The following MEGF10 variants were observed in gnomAD, a reference collection of about 807,000 sequenced individuals.
The protein encoded by MEGF10 is multiple epidermal growth factor-like domains protein 10.
MEGF10 carries 86 observed loss-of-function variants against 147.5 expected under a neutral mutation model. The observed-to-expected ratio is 0.58, with a 90% CI of 0.49 to 0.70. MEGF10 has a LOEUF of 0.70. MEGF10 is among the 30% of genes least tolerant of loss of function. The pLI is 0.00. For synonymous variants in MEGF10, 478 were observed against 525.5 expected (o/e 0.91, Z 1.24); for missense variants, 1,329 against 1,487.3 (o/e 0.89, Z 1.75).
intron 4 of MEGF10, among the ~76,000 whole-genome samples, chr5:127,357,623 A>ATAAG (rs1345923765): frequency 6.6e-6 from 1 of 150,400 alleles, no homozygotes; most frequent in African/African-American, 2.4e-5. Flanking sequence ...AAATAAATAA[A>ATAAG]TAAATAAAAT....
At chr5:127,376,366 G>A (rs780893926) in intron 5 of MEGF10, among the ~76,000 whole-genome samples, 48 of 152,120 alleles carry the variant, frequency 3.2e-4, no homozygotes, top group Admixed American at 2.0e-3. Context: ...AGTGGATTGC[G>A]GAATAGAGGC....
At chr5:127,414,819 A>G (rs1764698582) in intron 9 of MEGF10, among the ~76,000 whole-genome samples, 1 of 152,214 alleles carries the variant, frequency 6.6e-6, no homozygotes, top group African/African-American at 2.4e-5. Flanking sequence ...TGTAGAAGAG[A>G]AAGAAGACAT....
intron 5 of MEGF10, among the ~76,000 whole-genome samples, chr5:127,381,998 G>A (rs148397830): frequency 0.017 from 2,553 of 152,254 alleles, 20 homozygotes; most frequent in Middle Eastern, 0.024. Context: ...ATAATTCGGC[G>A]TCTGTCATGG....
the MEGF10 span, among the ~76,000 whole-genome samples, chr5:127,263,024 A>G: frequency 2.6e-5 from 4 of 152,190 alleles, no homozygotes; most frequent in African/African-American, 9.6e-5. Context: ...TAACAACAAA[A>G]AAGTCCTACT....
At chr5:127,454,658 T>G in intron 23 of MEGF10, 48 bp downstream of exon 23, 10 of 1,531,770 alleles carry the variant, frequency 6.5e-6, no homozygotes, top group Admixed American at 2.0e-5. Context: ...TTAAATTTTT[T>G]TTAACCTCAA....
chr5:127,263,952 CTG>C, the MEGF10 span, among the ~76,000 whole-genome samples: 1 of 152,112 alleles, frequency 6.6e-6, no homozygotes, highest in East Asian at 1.9e-4. Context: ...AAGAAATAGA[CTG>C]TGGGAAGAGC....
rs776013292 is a variant in MEGF10 at position 127,455,494 on chromosome 5, T to C, written c.3119T>C (p.Ile1040Thr). Reference sequence around the variant, plus strand: ...ACTATTAAAGACCCACCTGTACTTATCCCGAAAAGCTCAGAGTGTGGTTAT... The same window carrying C: ...ACTATTAAAGACCCACCTGTACTTACCCCGAAAAGCTCAGAGTGTGGTTAT... ...YATIKDPPVL[I>T]PKSSECGYVE... The change falls in exon 24 of 25, where the codon ATC (isoleucine) becomes ACC (threonine). Residue 1040 changes from isoleucine to threonine, a missense_variant. Ile to Thr is a moderately conservative substitution (Grantham distance 89). This residue lies in a region of MEGF10 where 343 missense variants were observed against 377.9 expected (regional missense o/e 0.91). Coordinates refer to ENST00000503335, the MANE Select transcript of MEGF10 (RefSeq NM_001256545.2). The C allele has an allele frequency of 6.2e-7, 1 of 1,614,112 alleles. No individual in the cohort carries two copies. Among genetic ancestry groups the C allele is most frequent in the East Asian group, 2.2e-5 (1 of 44,862 alleles).
intron 8 of MEGF10, among the ~76,000 whole-genome samples, chr5:127,404,542 A>G (rs72790405): frequency 0.1 from 15,674 of 152,100 alleles, 931 homozygotes; most frequent in Non-Finnish European, 0.13. Context: ...AAAATTTTTA[A>G]CATGATGTGT....
intron 4 of MEGF10, among the ~76,000 whole-genome samples, chr5:127,351,970 A>C (rs1762105078): frequency 6.6e-6 from 1 of 152,206 alleles, no homozygotes; most frequent in South Asian, 2.1e-4. Flanking sequence ...GGCAATGCCA[A>C]CTGTTTCCTA....
At chr5:127,455,260 A>G (rs1766314277) in intron 23 of MEGF10, 141 bp from the exon 24 acceptor site, 1 of 783,890 alleles carries the variant, frequency 1.3e-6, no homozygotes. Flanking sequence ...TTCTCTCCAA[A>G]ACAAGTGGAA....
the MEGF10 span, among the ~76,000 whole-genome samples, chr5:127,273,711 T>C: frequency 7.2e-5 from 11 of 152,210 alleles, no homozygotes; most frequent in African/African-American, 2.4e-4. Context: ...GATAAGGTCA[T>C]ACACACAGCT....
At chr5:127,447,536 C>A (rs1198929963) in intron 20 of MEGF10, 21 bp from the exon 21 acceptor site, 2 of 1,613,660 alleles carry the variant, frequency 1.2e-6, no homozygotes, top group Non-Finnish European at 1.7e-6. Context: ...CTGCCTTAAC[C>A]ATTTCCTTCC....
intron 1 of MEGF10, among the ~76,000 whole-genome samples, chr5:127,297,098 C>T (rs968926407): frequency 6.6e-6 from 1 of 152,178 alleles, no homozygotes; most frequent in Non-Finnish European, 1.5e-5. Context: ...TCCCGAGTAG[C>T]TGGGATTACA....
rs550917920 is a variant in MEGF10 at position 127,454,491 on chromosome 5, G to A, written c.2981-75G>A. Reference sequence around the variant, plus strand: ...TGCTGCAGTGGGAGATCCTCTTCCAGGACCTTGGGATATTGGATGGGGTTT... The same window carrying A: ...TGCTGCAGTGGGAGATCCTCTTCCAAGACCTTGGGATATTGGATGGGGTTT... On this transcript the variant is annotated intron_variant, in intron 22 of 24. Transcript: ENST00000503335. The A allele has an allele frequency of 2.8e-5, 38 of 1,359,348 alleles. 1 individual carries two copies. The South Asian group carries it at 4.7e-4, about 17-fold the overall frequency. The allele number at this position is 1,359,348 out of a possible 1,614,324, so 84.2% of individuals were successfully genotyped here.
intron 13 of MEGF10, among the ~76,000 whole-genome samples, chr5:127,428,518 C>T (rs1765283955): frequency 6.6e-6 from 1 of 152,202 alleles, no homozygotes; most frequent in South Asian, 2.1e-4. Flanking sequence ...CACTACACTA[C>T]ACTACACTAT....
intron 1 of MEGF10, among the ~76,000 whole-genome samples, chr5:127,295,457 C>G (rs1229432269): frequency 1.3e-5 from 2 of 152,198 alleles, no homozygotes; most frequent in Non-Finnish European, 2.9e-5. Flanking sequence ...GTTTATGAGA[C>G]AAACACTTCT....
intron 5 of MEGF10, among the ~76,000 whole-genome samples, chr5:127,394,043 T>G (rs1256905816): frequency 2.6e-5 from 4 of 152,180 alleles, no homozygotes; most frequent in Admixed American, 2.6e-4. Context: ...CAGTGTCACA[T>G]GGGGGAAAAT....
chr5:127,349,682 C>CT (rs71573989), intron 4 of MEGF10, among the ~76,000 whole-genome samples: 62,382 of 146,798 alleles, frequency 0.42, 13,728 homozygotes, highest in Middle Eastern at 0.56. Context: ...ACAGGACTTC[C>CT]TTTTTTTTTT....
intron 4 of MEGF10, among the ~76,000 whole-genome samples, chr5:127,346,547 A>G (rs780309930): frequency 6.6e-6 from 1 of 151,744 alleles, no homozygotes; most frequent in Non-Finnish European, 1.5e-5. Flanking sequence ...CCACTTTTTG[A>G]TGGGATTGTT....
Sources: gnomAD v4.1 joint callset for allele counts (sites outside exome capture counted in the v4.1 genomes callset) on GRCh38, gnomAD v4.1.1 for gene constraint, gnomAD v4.1.1 regional missense constraint, MANE v1.5 for transcripts, NCBI Gene and HGNC (gene_info 2026-07-23, HGNC 2026-07-21) for gene names.